TRAM1: variants seen among roughly 807,000 people sequenced by gnomAD.
TRAM1 encodes the protein translocating chain-associated membrane protein 1.
A neutral mutation model predicts 48.7 loss-of-function variants in TRAM1; 17 were observed. That is an observed-to-expected ratio of 0.35 (90% CI 0.24 to 0.52). The LOEUF is 0.52. Ranked by LOEUF, TRAM1 falls within the 20% of genes least tolerant of loss-of-function variation. The pLI, the probability that TRAM1 is intolerant of heterozygous loss-of-function variation, is 0.94. For synonymous variants in TRAM1, 182 were observed against 154.0 expected (o/e 1.18, Z -1.34); for missense variants, 351 against 441.5 (o/e 0.79, Z 1.84).
chr8:70,596,207 T>G (rs1817482625), intron 5 of TRAM1, 56 bp downstream of exon 5: 2 of 1,372,224 alleles, frequency 1.5e-6, no homozygotes, highest in Non-Finnish European at 2.0e-6. Context: ...GAATTCTGAT[T>G]AATAGTGACA....
In TRAM1 at chr8:70,598,262, A is replaced by C; in HGVS notation, c.188-7T>G. On this transcript the variant is annotated splice_polypyrimidine_tract_variant and splice_region_variant and intron_variant, in intron 2 of 10. Coordinates refer to ENST00000262213, the MANE Select transcript of TRAM1 (RefSeq NM_014294.6). ...GATTCAGTAGCTTGTTCTTCTGAAG[A>C]CCAAAAAGGACACAAATACACAAAA... 6.2e-7 allele frequency: 1 copy of C among 1,603,492 alleles called. No homozygotes were observed. Among genetic ancestry groups the C allele is most frequent in the Non-Finnish European group, 8.5e-7 (1 of 1,175,224 alleles).
At chr8:70,597,101 T>C (rs1817503706) in intron 4 of TRAM1, among the ~76,000 whole-genome samples, 1 of 152,168 alleles carries the variant, frequency 6.6e-6, no homozygotes. Context: ...GAAAGAATTA[T>C]GTGTCTGACA....
Position 70,574,241 on chromosome 8 carries a change from G to A in TRAM1, c.*691C>T, listed in dbSNP as rs1407113955. On this transcript the variant is annotated 3_prime_UTR_variant, in exon 11 of 11. Coordinates refer to ENST00000262213, the MANE Select transcript of TRAM1 (RefSeq NM_014294.6). ...TTCTGATTTCCAGTTTACAAGTATT[G>A]AAAATGCACAAGAAAGATTTTACTT... 1 of 413,090 alleles carries A rather than the reference G, an allele frequency of 2.4e-6. No individual in the cohort carries two copies. The highest frequency in any genetic ancestry group is 2.1e-5 in the African/African-American group (1 of 47,026). The allele number at this position is 413,090 out of a possible 1,614,324, so 25.6% of individuals were successfully genotyped here.
intron 10 of TRAM1, among the ~76,000 whole-genome samples, chr8:70,582,102 G>GT (rs537208787): frequency 1.3e-5 from 2 of 152,254 alleles, no homozygotes; most frequent in East Asian, 3.9e-4. Flanking sequence ...TAAACTTTAT[G>GT]TGAATTACAT....
intron 8 of TRAM1, 145 bp from the exon 9 acceptor site, chr8:70,583,938 A>G: frequency 1.1e-6 from 1 of 886,140 alleles, no homozygotes; most frequent in Non-Finnish European, 1.6e-6. Context: ...GCTTGAAACC[A>G]GAAGGTGGAG....
At chr8:70,601,075 A>T (rs755523470) in intron 1 of TRAM1, among the ~76,000 whole-genome samples, 2 of 152,172 alleles carry the variant, frequency 1.3e-5, no homozygotes, top group Non-Finnish European at 2.9e-5. Flanking sequence ...AGGACGGGAA[A>T]GTTCATTTAT....
chr8:70,604,805 C>A (rs1279195308), intron 1 of TRAM1, among the ~76,000 whole-genome samples: 1 of 152,142 alleles, frequency 6.6e-6, no homozygotes. Flanking sequence ...TTTATACACT[C>A]CTTAAAAGAA....
At chr8:70,594,227 C>T (rs1024694187) in intron 6 of TRAM1, among the ~76,000 whole-genome samples, 1 of 148,114 alleles carries the variant, frequency 6.8e-6, no homozygotes, top group Non-Finnish European at 1.5e-5. Flanking sequence ...TTTTAATTTA[C>T]ATTACCACTA....
rs1291790645 is a variant in TRAM1 at position 70,608,303 on chromosome 8, C to A, written c.-104G>T. Reference sequence around the variant, plus strand: ...TCCCGCTGGCTGCTCCTCACGGCCCCGCTGCAGCCGCTCGCTGGGGCTTCA... The same window carrying A: ...TCCCGCTGGCTGCTCCTCACGGCCCAGCTGCAGCCGCTCGCTGGGGCTTCA... On this transcript the variant is annotated 5_prime_UTR_variant, in exon 1 of 11. Transcript: ENST00000262213. The A allele has an allele frequency of 2.8e-6, 4 of 1,410,856 alleles. No individual in the cohort carries two copies. Among genetic ancestry groups the A allele is most frequent in the Non-Finnish European group, 1.9e-6 (2 of 1,075,892 alleles). The allele number at this position is 1,410,856 out of a possible 1,614,324, so 87.4% of individuals were successfully genotyped here.
At chr8:70,597,818 AC>A in intron 4 of TRAM1, 76 bp downstream of exon 4, 1 of 1,123,684 alleles carries the variant, frequency 8.9e-7, no homozygotes, top group South Asian at 1.8e-5. Context: ...GAAACTCTTA[AC>A]TTAATACTAT....
chr8:70,590,003 C>T (rs757462393), intron 6 of TRAM1, among the ~76,000 whole-genome samples: 100 of 152,092 alleles, frequency 6.6e-4, no homozygotes, highest in Non-Finnish European at 1.3e-3. Context: ...CATATTCTTT[C>T]ATATGTGTTA....
intron 10 of TRAM1, among the ~76,000 whole-genome samples, chr8:70,578,188 C>A (rs1393275817): frequency 6.6e-6 from 1 of 152,216 alleles, no homozygotes; most frequent in Non-Finnish European, 1.5e-5. Flanking sequence ...GAAGTGACAC[C>A]CCAAGGGTGA....
At chr8:70,595,751 T>C (rs1003008278) in intron 5 of TRAM1, among the ~76,000 whole-genome samples, 1 of 152,078 alleles carries the variant, frequency 6.6e-6, no homozygotes, top group Non-Finnish European at 1.5e-5. Flanking sequence ...AAAATTAATA[T>C]AGAATAGTTG....
At chr8:70,579,127 T>C (rs749555064) in intron 10 of TRAM1, among the ~76,000 whole-genome samples, 1 of 152,240 alleles carries the variant, frequency 6.6e-6, no homozygotes. Flanking sequence ...TTTTAAGAAA[T>C]GTGTTAGGCG....
intron 2 of TRAM1, among the ~76,000 whole-genome samples, chr8:70,599,158 T>C (rs1817551891): frequency 6.6e-6 from 1 of 152,178 alleles, no homozygotes; most frequent in Non-Finnish European, 1.5e-5. Flanking sequence ...CTTGGGAGGC[T>C]GACCTGGGAG....
chr8:70,600,039 T>C lies in TRAM1; in HGVS notation c.167A>G (p.Asn56Ser), dbSNP rs766225354. 9 of 1,613,718 alleles carry C rather than the reference T, an allele frequency of 5.6e-6. No homozygotes were observed. Among genetic ancestry groups the C allele is most frequent in the East Asian group, 2.2e-5 (1 of 44,880 alleles). The stretch of plus-strand genomic sequence containing the variant: ...CCTACCTGTTGCTGGGAGGGTGACA[T>C]TGTACTGAAGAGTAACAAAAATGAT... ...ASIIFVTLQY[N>S]VTLPATEEQA... The change falls in exon 2 of 11, where the codon AAT becomes AGT. Residue 56 changes from asparagine to serine, a missense_variant. Transcript: ENST00000262213.
Position 70,598,230 on chromosome 8 carries a change from G to C in TRAM1, c.213C>G (p.Ser71=). The change falls in exon 3 of 11, where the codon TCC becomes TCG. Residue 71 remains serine, a synonymous_variant. Coordinates refer to ENST00000262213, the MANE Select transcript of TRAM1 (RefSeq NM_014294.6). The stretch of plus-strand genomic sequence containing the variant: ...AATCTTTGATGCCATAGTAATAAAG[G>C]GACACTGATTCAGTAGCTTGTTCTT... ...ATEEQATESV[S]LYYYGIKDLA... is the part of the protein sequence containing the mutation. 1 of 1,609,968 alleles carries C rather than the reference G, an allele frequency of 6.2e-7. No individual in the cohort carries two copies.
At position 70,586,987 on chromosome 8, in the gene TRAM1, T is replaced by G; in HGVS notation, c.654A>C (p.Leu218=). The change falls in exon 8 of 11, where the codon CTA becomes CTC. Residue 218 remains leucine, a synonymous_variant. Transcript: ENST00000262213. ...AGAYLLNLNH[L]GLVLLVLHYF... is the part of the protein sequence containing the mutation. Reference sequence around the variant, plus strand: ...AATGTAGCACCAGAAGAACAAGTCCTAGATGATTCAAGCTGTTAAAAGAGC... The same window carrying G: ...AATGTAGCACCAGAAGAACAAGTCCGAGATGATTCAAGCTGTTAAAAGAGC... 3 of 1,613,800 alleles carry G rather than the reference T, an allele frequency of 1.9e-6. No individual in the cohort carries two copies. Among genetic ancestry groups the G allele is most frequent in the Non-Finnish European group, 2.5e-6 (3 of 1,179,854 alleles).
At chr8:70,580,485 C>G (rs1817051952) in intron 10 of TRAM1, among the ~76,000 whole-genome samples, 1 of 152,030 alleles carries the variant, frequency 6.6e-6, no homozygotes, top group African/African-American at 2.4e-5. Flanking sequence ...GGAAAAAAAG[C>G]AATTGACAAA....
Sources: allele counts gnomAD v4.1 joint callset (sites outside exome capture counted in the v4.1 genomes callset), GRCh38; gene constraint gnomAD v4.1.1; transcripts MANE v1.5; gene names NCBI Gene and HGNC (gene_info 2026-07-23, HGNC 2026-07-21).